The following CREB3 variants were observed in gnomAD, a reference collection of about 807,000 sequenced individuals.
CREB3 encodes the protein cAMP responsive element binding protein 3.
CREB3 carries 29 observed loss-of-function variants against 34.5 expected under a neutral mutation model. That is an observed-to-expected ratio of 0.84 (90% CI 0.63 to 1.15). The LOEUF (loss-of-function observed/expected upper bound fraction) is 1.15. Among genes scored for constraint, CREB3 ranks in the 50% most tolerant of loss-of-function variants. The pLI is 0.00. For missense variants in CREB3, 447 were observed against 443.4 expected, an observed-to-expected ratio of 1.01 and a Z score of -0.07; for synonymous variants, 187 against 173.9, an observed-to-expected ratio of 1.08 and a Z score of -0.59.
chr9:35,733,166 G>A (rs1826123311), intron 2 of CREB3, 23 bp downstream of exon 2: 1 of 1,614,122 alleles, frequency 6.2e-7, no homozygotes, highest in African/African-American at 1.3e-5. Context: ...TAAGTTTGCG[G>A]GGAGGACAGG....
In CREB3 at chr9:35,733,027, T is replaced by G; in HGVS notation, c.161T>G (p.Leu54Arg). Residue 54 changes from leucine to arginine, a missense_variant, in exon 2 of 9, where the codon CTG (leucine) becomes CGG (arginine). Coordinates refer to ENST00000353704, the MANE Select transcript of CREB3 (RefSeq NM_006368.5). ...VPSDWEVDDL[L>R]CSLLSPPASL... ...AGCGACTGGGAAGTAGATGATTTGC[T>G]GTGCTCCCTGCTGAGTCCCCCAGCG... is the stretch of plus-strand genomic sequence containing the variant. 6.2e-7 allele frequency: 1 copy of G among 1,614,248 alleles called. No individual in the cohort carries two copies. Among genetic ancestry groups the G allele is most frequent in the Non-Finnish European group, 8.5e-7 (1 of 1,180,048 alleles).
At position 35,735,225 on chromosome 9, in the gene CREB3, G is replaced by C. The variant is rs1384669651; in HGVS notation, c.542+10G>C. 1.9e-6 allele frequency: 3 copies of C among 1,612,636 alleles called. No individual in the cohort carries two copies. Among genetic ancestry groups the C allele is most frequent in the East Asian group, 4.5e-5 (2 of 44,888 alleles). On this transcript the variant is annotated intron_variant, in intron 5 of 8. Coordinates refer to ENST00000353704, the MANE Select transcript of CREB3 (RefSeq NM_006368.5). ...GGGGTTTAGAGAGCAGGTATGAAAG[G>C]GAGAGGGACTCTGTTGTAAGTATTA... is the stretch of plus-strand genomic sequence containing the variant.
Position 35,733,394 on chromosome 9 carries a change from A to G in CREB3, c.346-2A>G. On this transcript the variant is annotated splice_acceptor_variant, in intron 3 of 8. Coordinates refer to ENST00000353704, the MANE Select transcript of CREB3 (RefSeq NM_006368.5). LOFTEE classifies it high-confidence loss of function. The stretch of plus-strand genomic sequence containing the variant: ...CTGCCGTCCACTTTCTTGTTACCCT[A>G]GGAGATTGCTAGGCTAGTACTGACA... 1 of 1,607,106 alleles carries G rather than the reference A, an allele frequency of 6.2e-7. No individual in the cohort carries two copies. The highest frequency in any genetic ancestry group is 8.5e-7 in the Non-Finnish European group (1 of 1,173,684).
intron 6 of CREB3, 103 bp from the exon 7 acceptor site, chr9:35,735,945 G>C (rs541602464): frequency 4.7e-5 from 39 of 823,902 alleles, no homozygotes; most frequent in Non-Finnish European, 8.0e-5. Flanking sequence ...GTAAGAGAGA[G>C]GATCCAGTGC....
chr9:35,735,622 G>C (rs1055497334), intron 6 of CREB3, among the ~76,000 whole-genome samples: 5 of 152,208 alleles, frequency 3.3e-5, no homozygotes, highest in Admixed American at 1.3e-4. Flanking sequence ...GTTGGGTTGG[G>C]AAAGCATTCT....
rs1826123311 is a variant in CREB3 at position 35,733,166 on chromosome 9, G to T, written c.277+23G>T. 3.1e-6 allele frequency: 5 copies of T among 1,614,240 alleles called. No homozygotes were observed. In the East Asian group the frequency reaches 1.1e-4, roughly 36 times the overall value. ...TAGGTGAGTCTGAAATAAGTTTGCG[G>T]GGAGGACAGGGTTCATGGGCCTGGC... On this transcript the variant is annotated intron_variant, in intron 2 of 8. Coordinates refer to ENST00000353704, the MANE Select transcript of CREB3 (RefSeq NM_006368.5).
At position 35,733,481 on chromosome 9, in the gene CREB3, C is replaced by T. The variant is rs1563950976; in HGVS notation, c.431C>T (p.Thr144Ile). 4 of 1,608,916 alleles carry T rather than the reference C, an allele frequency of 2.5e-6. No homozygotes were observed. Among genetic ancestry groups the T allele is most frequent in the Non-Finnish European group, 3.4e-6 (4 of 1,175,340 alleles). Residue 144 changes from threonine to isoleucine, a missense_variant, in exon 4 of 9, where the codon ACT (threonine) becomes ATT (isoleucine). Coordinates refer to ENST00000353704, the MANE Select transcript of CREB3 (RefSeq NM_006368.5). ...GLILPETLPL[T>I]KTEEQILKRV... ...ATTCTGCCTGAGACACTTCCTCTCA[C>T]TAAGGTAAGACTCTCATTGGTTGAA...
In CREB3 at chr9:35,733,288, T is replaced by G. The variant is rs1826127061; in HGVS notation, c.345+6T>G. 1 of 1,614,010 alleles carries G rather than the reference T, an allele frequency of 6.2e-7. No individual in the cohort carries two copies. On this transcript the variant is annotated splice_donor_region_variant and intron_variant, in intron 3 of 8. Coordinates refer to ENST00000353704, the MANE Select transcript of CREB3 (RefSeq NM_006368.5). ...TGGAGGAGCTGGCAGAGCAGGTACT[T>G]GACTTGATTTTCAGGAGATTACTCT... is the stretch of plus-strand genomic sequence containing the variant.
Position 35,732,915 on chromosome 9 carries a change from C to T in CREB3, c.129+14C>T, listed in dbSNP as rs1200337182. On this transcript the variant is annotated intron_variant, in intron 1 of 8. Transcript: ENST00000353704. The surrounding 1 kb of genome is among the most constrained non-coding windows in gnomAD (Gnocchi z 5.1). ...CCGCTTTCTGAGGTAGGTTGGGGTT[C>T]TGACTGGGGAAAGCGTGGGATGTCC... 6.2e-7 allele frequency: 1 copy of T among 1,613,288 alleles called. No homozygotes were observed. The highest frequency in any genetic ancestry group is 1.1e-5 in the South Asian group (1 of 90,968).
chr9:35,735,937 AAGAG>A (rs1256743399), intron 6 of CREB3, 107 bp from the exon 7 acceptor site: 2 of 791,754 alleles, frequency 2.5e-6, no homozygotes, highest in Non-Finnish European at 4.3e-6. Context: ...AATGAAAAGT[AAGAG>A]AGAGGATCCA....
rs1013889769 is a variant in CREB3, at chr9:35,736,063, A to G, written c.627A>G (p.Gln209=). The G allele has an allele frequency of 4.3e-6, 7 of 1,613,942 alleles. No individual in the cohort carries two copies. The Middle Eastern group carries it at 4.9e-4, about 114-fold the overall frequency. The change falls in exon 7 of 9, where the codon CAA becomes CAG. Residue 209 remains glutamine (Q), a synonymous_variant. Transcript: ENST00000353704. The part of the protein sequence containing the change: ...LEEQNLSLLD[Q]LRKLQAMVIE... ...CTTCCTCTAGGTCCCTTCTAGATCA[A>G]CTGAGGAAACTCCAGGCCATGGTGA...
chr9:35,734,451 T>TC (rs1826157668), intron 4 of CREB3, among the ~76,000 whole-genome samples: 1 of 150,340 alleles, frequency 6.7e-6, no homozygotes, highest in Non-Finnish European at 1.5e-5. Context: ...AATTTTGTCT[T>TC]TTTTTTTTTC....
intron 6 of CREB3, 105 bp from the exon 7 acceptor site, chr9:35,735,943 G>C: frequency 1.2e-6 from 1 of 818,092 alleles, no homozygotes; most frequent in Non-Finnish European, 2.1e-6. Flanking sequence ...AAGTAAGAGA[G>C]AGGATCCAGT....
rs1192755329 is a variant in CREB3, at chr9:35,733,027, T to C, written c.161T>C (p.Leu54Pro). 1.2e-6 allele frequency: 2 copies of C among 1,614,248 alleles called. No individual in the cohort carries two copies. Among genetic ancestry groups the C allele is most frequent in the Non-Finnish European group, 1.7e-6 (2 of 1,180,048 alleles). Residue 54 changes from leucine (L) to proline (P), a missense_variant, in exon 2 of 9, where the codon CTG (leucine) becomes CCG (proline). Coordinates refer to ENST00000353704, the MANE Select transcript of CREB3 (RefSeq NM_006368.5). ...VPSDWEVDDL[L>P]CSLLSPPASL... Reference sequence around the variant, plus strand: ...AGCGACTGGGAAGTAGATGATTTGCTGTGCTCCCTGCTGAGTCCCCCAGCG... The same window carrying C: ...AGCGACTGGGAAGTAGATGATTTGCCGTGCTCCCTGCTGAGTCCCCCAGCG...
chr9:35,736,643 CT>C lies in CREB3; in HGVS notation c.1034del (p.Leu345ArgfsTer74). The C allele has an allele frequency of 6.2e-7, 1 of 1,613,790 alleles. No homozygotes were observed. Among genetic ancestry groups the C allele is most frequent in the Non-Finnish European group, 8.5e-7 (1 of 1,180,020 alleles). ...EPLCRGPILPLQANLTRKGGW... is the reference protein window; with the variant it reads ...EPLCRGPILPXQANLTRKGGW... ...TCTCTGCCGAGGTCCCATCCTCCCC[CT>C]GCAGGCAAATCTCACAAGGAAGGGA... On this transcript the variant is annotated frameshift_variant, in exon 9 of 9. Coordinates refer to ENST00000353704, the MANE Select transcript of CREB3 (RefSeq NM_006368.5). LOFTEE classifies it low-confidence loss of function (END_TRUNC).
At chr9:35,735,076 T>C (rs757950400) in intron 4 of CREB3, 33 bp from the exon 5 acceptor site, 1 of 1,561,388 alleles carries the variant, frequency 6.4e-7, no homozygotes, top group Non-Finnish European at 8.7e-7. Context: ...CTAGAGTTCC[T>C]CTAATGATAT....
Position 35,736,824 on chromosome 9 carries a change from G to A in CREB3, c.*98G>A. On this transcript the variant is annotated 3_prime_UTR_variant, in exon 9 of 9. Transcript: ENST00000353704. ...GGCAAGGGCTGGCCGCAGCTCCTGT[G>A]CCCTGTCAGGACGACTGAGGGCTCA... The A allele has an allele frequency of 1.7e-6, 2 of 1,154,924 alleles. No individual in the cohort carries two copies. The highest frequency in any genetic ancestry group is 2.5e-6 in the Non-Finnish European group (2 of 811,244). 71.5% of individuals were successfully genotyped at this position (1,154,924 alleles called of 1,614,324 possible). A position where few individuals can be genotyped will look rare whatever the true frequency, so the allele number is the denominator to read the frequency against.
At position 35,736,812 on chromosome 9, in the gene CREB3, C is replaced by T. The variant is rs746537746; in HGVS notation, c.*86C>T. 50 of 1,275,162 alleles carry T rather than the reference C, an allele frequency of 3.9e-5. 1 individual carries two copies. The highest frequency in any genetic ancestry group is 1.4e-4 in the East Asian group (6 of 43,014). 79.0% of individuals were successfully genotyped at this position (1,275,162 alleles called of 1,614,324 possible). ...TAAAAAGCGGTGGGCAAGGGCTGGC[C>T]GCAGCTCCTGTGCCCTGTCAGGACG... On this transcript the variant is annotated 3_prime_UTR_variant, in exon 9 of 9. Coordinates refer to ENST00000353704, the MANE Select transcript of CREB3 (RefSeq NM_006368.5).
Position 35,736,316 on chromosome 9 carries a change from G to C in CREB3, c.781+5G>C. 1 of 1,613,962 alleles carries C rather than the reference G, an allele frequency of 6.2e-7. No individual in the cohort carries two copies. Among genetic ancestry groups the C allele is most frequent in the Admixed American group, 1.7e-5 (1 of 60,010 alleles). On this transcript the variant is annotated splice_donor_5th_base_variant and intron_variant, in intron 8 of 8. Coordinates refer to ENST00000353704, the MANE Select transcript of CREB3 (RefSeq NM_006368.5). ...GCCTGCCAGCTGAGCATGGAGGTAA[G>C]AGGCTTAAGGATAGCTCTCAGACAG...
Sources: gnomAD v4.1 joint callset for allele counts (sites outside exome capture counted in the v4.1 genomes callset) on GRCh38, gnomAD v4.1.1 for gene constraint, Gnocchi (gnomAD v3.1) non-coding constraint, MANE v1.5 for transcripts, NCBI Gene and HGNC (gene_info 2026-07-23, HGNC 2026-07-21) for gene names.